PARN: variants seen among roughly 807,000 people sequenced by gnomAD.
PARN encodes the protein poly(A)-specific ribonuclease.
PARN carries 71 observed loss-of-function variants against 102.8 expected under a neutral mutation model. That is an observed-to-expected ratio of 0.69 (90% CI 0.57 to 0.84). The LOEUF (loss-of-function observed/expected upper bound fraction) is 0.84. PARN is among the 40% of genes least tolerant of loss of function. The pLI is 0.00. For synonymous variants in PARN, 261 were observed against 252.9 expected (o/e 1.03, Z -0.30); for missense variants, 782 against 760.9 (o/e 1.03, Z -0.33).
chr16:14,602,772 C>G (rs1398305660), intron 11 of PARN, among the ~76,000 whole-genome samples: 1 of 152,150 alleles, frequency 6.6e-6, no homozygotes, highest in African/African-American at 2.4e-5. Flanking sequence ...GAAACAGTTC[C>G]TCATTGCCTC....
intron 9 of PARN, 72 bp from the exon 10 acceptor site, chr16:14,606,598 A>T: frequency 1.3e-6 from 1 of 744,932 alleles, no homozygotes; most frequent in Non-Finnish European, 2.3e-6. Context: ...TTTATAAGCA[A>T]CTATCCAGCT....
chr16:14,531,716 G>A (rs142973876), intron 21 of PARN, among the ~76,000 whole-genome samples: 2 of 151,250 alleles, frequency 1.3e-5, no homozygotes, highest in Admixed American at 1.3e-4. Context: ...AGTGCCATGA[G>A]GGTGCCCCCC....
intron 5 of PARN, among the ~76,000 whole-genome samples, chr16:14,625,768 G>A (rs764722333): frequency 2.0e-5 from 3 of 152,126 alleles, no homozygotes; most frequent in East Asian, 1.9e-4. Flanking sequence ...GCCTACCCTC[G>A]AGGCTTTCAT....
At chr16:14,490,918 A>C (rs1036885229) in intron 21 of PARN, among the ~76,000 whole-genome samples, 1 of 152,178 alleles carries the variant, frequency 6.6e-6, no homozygotes, top group Non-Finnish European at 1.5e-5. Context: ...AAAATCTTTA[A>C]AGAAAGATAT....
At chr16:14,548,709 C>T (rs991074050) in intron 21 of PARN, among the ~76,000 whole-genome samples, 1 of 152,134 alleles carries the variant, frequency 6.6e-6, no homozygotes, top group South Asian at 2.1e-4. Context: ...AATCCCAGAA[C>T]TTTGGGAGGC....
At chr16:14,601,019 T>C (rs1596816060) in intron 11 of PARN, among the ~76,000 whole-genome samples, 2 of 152,224 alleles carry the variant, frequency 1.3e-5, no homozygotes, top group South Asian at 2.1e-4. Flanking sequence ...CTGTGTGCCG[T>C]TGATGAAAAT....
intron 21 of PARN, among the ~76,000 whole-genome samples, chr16:14,500,384 T>C (rs1964523016): frequency 6.6e-6 from 1 of 151,954 alleles, no homozygotes; most frequent in Non-Finnish European, 1.5e-5. Flanking sequence ...AACTTTATCT[T>C]TTACTTTTTT....
At chr16:14,588,662 G>A (rs1205113122) in intron 13 of PARN, among the ~76,000 whole-genome samples, 1 of 152,088 alleles carries the variant, frequency 6.6e-6, no homozygotes, top group Non-Finnish European at 1.5e-5. Context: ...TGGATCACTT[G>A]AGGCCGGAAG....
intron 9 of PARN, 175 bp downstream of exon 9, chr16:14,608,106 C>A: frequency 1.6e-6 from 1 of 620,696 alleles, no homozygotes; most frequent in African/African-American, 1.9e-5. Flanking sequence ...TGTTAAAAAA[C>A]AATAACAAAA....
rs369346034 is a variant in PARN, at chr16:14,617,316, A to G, written c.388+274T>C. Among the ~76,000 whole-genome samples, 8 of 148,832 alleles carry G rather than the reference A, an allele frequency of 5.4e-5. No individual in the cohort carries two copies. In the South Asian group the frequency reaches 8.6e-4, roughly 16 times the overall value. ...GGAGAATGGTGTGAAACTGGGAGGC[A>G]GAGCTTGCAGTGAGCCGAGATCACA... On this transcript the variant is annotated intron_variant, in intron 6 of 23. Coordinates refer to ENST00000437198, the MANE Select transcript of PARN (RefSeq NM_002582.4).
intron 21 of PARN, among the ~76,000 whole-genome samples, chr16:14,524,780 G>A (rs1170581314): frequency 2.0e-5 from 3 of 152,086 alleles, no homozygotes; most frequent in East Asian, 1.9e-4. Context: ...AGTGCCACTC[G>A]GATCCTGCTT....
At chr16:14,616,528 T>C (rs150291075) in intron 6 of PARN, among the ~76,000 whole-genome samples, 12 of 152,270 alleles carry the variant, frequency 7.9e-5, no homozygotes, top group Admixed American at 7.2e-4. Context: ...GGTGGATTGT[T>C]CGAGGACAGG....
intron 21 of PARN, among the ~76,000 whole-genome samples, chr16:14,529,765 G>C (rs957651693): frequency 6.6e-6 from 1 of 152,114 alleles, no homozygotes; most frequent in Non-Finnish European, 1.5e-5. Context: ...TCCTCTTATG[G>C]AGCCCATGAG....
chr16:14,511,846 G>A (rs908434810), intron 21 of PARN, among the ~76,000 whole-genome samples: 4 of 152,150 alleles, frequency 2.6e-5, no homozygotes. Context: ...GACTATGGGT[G>A]TGTGCCACCA....
At chr16:14,473,473 A>C (rs1041158985) in intron 22 of PARN, among the ~76,000 whole-genome samples, 4 of 152,256 alleles carry the variant, frequency 2.6e-5, no homozygotes, top group African/African-American at 9.6e-5. Context: ...CCAAGGGATA[A>C]GCAAATTGTA....
chr16:14,493,944 A>C (rs766080417), intron 21 of PARN, among the ~76,000 whole-genome samples: 2 of 152,264 alleles, frequency 1.3e-5, no homozygotes, highest in African/African-American at 4.8e-5. Context: ...TAATGCTTGT[A>C]AAGAACTATG....
chr16:14,509,696 A>G (rs1450773614), intron 21 of PARN, among the ~76,000 whole-genome samples: 1 of 152,178 alleles, frequency 6.6e-6, no homozygotes, highest in Non-Finnish European at 1.5e-5. Flanking sequence ...TTTTATTTAC[A>G]TATTAACTGC....
chr16:14,482,229 T>A (rs2151596455), intron 22 of PARN, among the ~76,000 whole-genome samples: 1 of 152,192 alleles, frequency 6.6e-6, no homozygotes, highest in South Asian at 2.1e-4. Flanking sequence ...AGACCTCATC[T>A]CTACAAAAAA....
chr16:14,585,577 T>C (rs1044985945), intron 14 of PARN, among the ~76,000 whole-genome samples: 7 of 152,070 alleles, frequency 4.6e-5, no homozygotes, highest in Non-Finnish European at 8.8e-5. Context: ...GGGGCAATAA[T>C]AACTATGGAA....
Sources: gnomAD v4.1 joint callset for allele counts (sites outside exome capture counted in the v4.1 genomes callset) on GRCh38, gnomAD v4.1.1 for gene constraint, MANE v1.5 for transcripts, NCBI Gene and HGNC (gene_info 2026-07-23, HGNC 2026-07-21) for gene names.